The following CYP2W1 variants were observed in gnomAD, a reference collection of about 807,000 sequenced individuals.
CYP2W1 encodes the protein cytochrome P450 2W1.
CYP2W1 carries 51 observed loss-of-function variants against 44.9 expected under a neutral mutation model. The observed-to-expected ratio is 1.14, with a 90% CI of 0.91 to 1.43. The LOEUF (loss-of-function observed/expected upper bound fraction) is 1.43, where lower values mean the gene tolerates loss of function less well. Among genes scored for constraint, CYP2W1 ranks in the 40% most tolerant of loss-of-function variants. The pLI is 0.00. For missense variants in CYP2W1, 746 were observed against 700.0 expected (o/e 1.07, Z -0.74); for synonymous variants, 383 against 338.3 (o/e 1.13, Z -1.45).
chr7:987,414 G>A lies in CYP2W1; in HGVS notation c.1026G>A (p.Gln342=). The A allele has an allele frequency of 6.3e-7, 1 of 1,594,616 alleles. No homozygotes were observed. Among genetic ancestry groups the A allele is most frequent in the Non-Finnish European group, 8.5e-7 (1 of 1,177,840 alleles). ...GGACTCCCCGGCTGGAGGACCAGCA[G>A]GCTCTGCCCTACACAAGCGCCGTGC... The part of the protein sequence containing the change: ...PGRTPRLEDQ[Q]ALPYTSAVLH... The change falls in exon 7 of 9, where the codon CAG becomes CAA. Residue 342 remains glutamine (Q), a synonymous_variant. Transcript: ENST00000308919.
At position 986,450 on chromosome 7, in the gene CYP2W1, G is replaced by A. The variant is rs1848351496; in HGVS notation, c.646-174G>A. Reference sequence around the variant, plus strand: ...CCGGGACACGGACAGGGGGTTTCCTGGCAGTTCCTGGTCCTCCCTTGAGGG... The same window carrying A: ...CCGGGACACGGACAGGGGGTTTCCTAGCAGTTCCTGGTCCTCCCTTGAGGG... On this transcript the variant is annotated intron_variant, in intron 4 of 8. Transcript: ENST00000308919. The A allele has an allele frequency of 7.1e-6, 5 of 700,724 alleles. No individual in the cohort carries two copies. The Admixed American group carries it at 1.5e-4, about 21-fold the overall frequency. The allele number at this position is 700,724 out of a possible 1,614,324, so 43.4% of individuals were successfully genotyped here.
chr7:986,560 C>T (rs1047465442), intron 4 of CYP2W1, 64 bp from the exon 5 acceptor site: 85 of 1,574,934 alleles, frequency 5.4e-5, no homozygotes, highest in Non-Finnish European at 4.1e-5. Context: ...GGACGATCAC[C>T]GCCTGCCCAG....
At chr7:988,209 C>A in intron 7 of CYP2W1, 68 bp from the exon 8 acceptor site, 1 of 1,495,220 alleles carries the variant, frequency 6.7e-7, no homozygotes, top group African/African-American at 1.4e-5. Context: ...TGGAATGAAA[C>A]TTCCCAACCC....
intron 4 of CYP2W1, among the ~76,000 whole-genome samples, chr7:986,087 G>A (rs952389406): frequency 6.6e-6 from 1 of 152,188 alleles, no homozygotes; most frequent in Non-Finnish European, 1.5e-5. Context: ...AGCATTCCCT[G>A]GCCTTCCCTG....
intron 7 of CYP2W1, among the ~76,000 whole-genome samples, chr7:988,071 G>A (rs936027650): frequency 4.0e-5 from 6 of 151,798 alleles, no homozygotes; most frequent in Non-Finnish European, 2.9e-5. Context: ...CATGCATCCT[G>A]GGTGTCCTCT....
At position 988,763 on chromosome 7, in the gene CYP2W1, G is replaced by T; in HGVS notation, c.1414G>T (p.Ala472Ser). ...VSPASLDTTP[A>S]RAFTMRPRAQ... The stretch of plus-strand genomic sequence containing the variant: ...TCCGGCCTCCCTGGACACCACGCCC[G>T]CCCGGGCTTTTACCATGAGGCCGAG... The change falls in exon 9 of 9, where the codon GCC (alanine) becomes TCC (serine). Residue 472 changes from alanine to serine, a missense_variant. Ala to Ser is a moderately conservative substitution (Grantham distance 99). Transcript: ENST00000308919. 1 of 1,598,460 alleles carries T rather than the reference G, an allele frequency of 6.3e-7. No homozygotes were observed. The highest frequency in any genetic ancestry group is 8.5e-7 in the Non-Finnish European group (1 of 1,179,084).
chr7:986,515 C>T, intron 4 of CYP2W1, 109 bp from the exon 5 acceptor site: 1 of 1,313,406 alleles, frequency 7.6e-7, no homozygotes, highest in South Asian at 1.3e-5. Context: ...CCAGCACATC[C>T]ACCCAGAGTC....
In CYP2W1 at chr7:986,955, G is replaced by A. The variant is rs999211491; in HGVS notation, c.820-152G>A. The stretch of plus-strand genomic sequence containing the variant: ...GCCTCAGTCTCCTTGTCTGTGAAAC[G>A]GGGCATCCATAGTGCCTGCCTCGGG... On this transcript the variant is annotated intron_variant, in intron 5 of 8. Coordinates refer to ENST00000308919, the MANE Select transcript of CYP2W1 (RefSeq NM_017781.3). 5.4e-4 allele frequency: 703 copies of A among 1,311,426 alleles called. 1 individual carries two copies. The highest frequency in any genetic ancestry group is 6.1e-4 in the Non-Finnish European group (602 of 989,864). 81.2% of individuals were successfully genotyped at this position (1,311,426 alleles called of 1,614,324 possible). A position where few individuals can be genotyped will look rare whatever the true frequency, so the allele number is the denominator to read the frequency against.
chr7:984,435 G>A lies in CYP2W1; in HGVS notation c.198G>A (p.Val66=), dbSNP rs1848166883. Residue 66 remains valine, a synonymous_variant, in exon 2 of 9, where the codon GTG becomes GTA. Coordinates refer to ENST00000308919, the MANE Select transcript of CYP2W1 (RefSeq NM_017781.3). ...AGCTCTCAGAACGCTACGGGCCGGT[G>A]TTCACCGTGCACCTGGGGCGCCAGA... ...LMELSERYGP[V]FTVHLGRQKT... 1.9e-6 allele frequency: 3 copies of A among 1,548,862 alleles called. No individual in the cohort carries two copies.
chr7:984,897 G>T, intron 2 of CYP2W1, 53 bp from the exon 3 acceptor site: 1 of 1,529,884 alleles, frequency 6.5e-7, no homozygotes. Flanking sequence ...CTTGCCTGGC[G>T]GGGCTGGCTG....
intron 7 of CYP2W1, 104 bp from the exon 8 acceptor site, chr7:988,173 T>C: frequency 7.6e-7 from 1 of 1,324,398 alleles, no homozygotes; most frequent in Non-Finnish European, 1.0e-6. Flanking sequence ...ACACCAGGTG[T>C]GGTGGGTGTG....
At chr7:986,089 C>A (rs964535670) in intron 4 of CYP2W1, among the ~76,000 whole-genome samples, 5 of 152,192 alleles carry the variant, frequency 3.3e-5, no homozygotes, top group Non-Finnish European at 7.4e-5. Flanking sequence ...CATTCCCTGG[C>A]CTTCCCTGCT....
intron 1 of CYP2W1, among the ~76,000 whole-genome samples, chr7:983,814 A>G (rs1423177221): frequency 2.6e-5 from 4 of 152,128 alleles, no homozygotes; most frequent in African/African-American, 7.2e-5. Context: ...TCATCTGTGA[A>G]ATGGGAAGAG....
In CYP2W1 at chr7:986,783, A is replaced by T. The variant is rs371709562; in HGVS notation, c.805A>T (p.Ile269Phe). 65 of 1,577,694 alleles carry T rather than the reference A, an allele frequency of 4.1e-5. No individual in the cohort carries two copies. Among genetic ancestry groups the T allele is most frequent in the Non-Finnish European group, 5.2e-5 (60 of 1,161,256 alleles). Residue 269 changes from isoleucine (I) to phenylalanine (F), a missense_variant, in exon 5 of 9, where the codon ATC (isoleucine) becomes TTC (phenylalanine). Transcript: ENST00000308919. ...DPVCSYVDAL[I>F]QQGQGDDPEG... ...CGTGTGCAGCTATGTGGACGCCCTG[A>T]TCCAGCAGGGACAGGTGTGTCGGGA...
intron 4 of CYP2W1, 30 bp downstream of exon 4, chr7:985,353 G>A (rs1344545392): frequency 6.5e-7 from 1 of 1,545,198 alleles, no homozygotes; most frequent in Admixed American, 2.0e-5. Flanking sequence ...CCTTGGGGTG[G>A]GGTGGAGCCT....
In CYP2W1 at chr7:986,670, G is replaced by T; in HGVS notation, c.692G>T (p.Arg231Leu). ...CTCGGGGCCCTGCTCCAGCTGCACC[G>T]GCCCGTCCTGCGCAAGATCGAGGAG... is the stretch of plus-strand genomic sequence containing the variant. ...PWLGALLQLH[R>L]PVLRKIEEVR... is the part of the protein sequence containing the mutation. The change falls in exon 5 of 9, where the codon CGG becomes CTG. Residue 231 changes from arginine (R) to leucine (L), a missense_variant. Coordinates refer to ENST00000308919, the MANE Select transcript of CYP2W1 (RefSeq NM_017781.3). The T allele has an allele frequency of 6.2e-7, 1 of 1,612,632 alleles. No homozygotes were observed. Among genetic ancestry groups the T allele is most frequent in the South Asian group, 1.1e-5 (1 of 91,076 alleles).
intron 1 of CYP2W1, among the ~76,000 whole-genome samples, chr7:983,831 T>C (rs1265584065): frequency 1.3e-5 from 2 of 152,156 alleles, no homozygotes; most frequent in Non-Finnish European, 2.9e-5. Context: ...AGAGGACCTG[T>C]GCCTCCTGGG....
chr7:983,312 G>A lies in CYP2W1; in HGVS notation c.101G>A (p.Gly34Glu). Residue 34 changes from glycine to glutamate, a missense_variant, in exon 1 of 9, where the codon GGG becomes GAG. Gly to Glu is a moderately conservative substitution (Grantham distance 98). Coordinates refer to ENST00000308919, the MANE Select transcript of CYP2W1 (RefSeq NM_017781.3). The stretch of plus-strand genomic sequence containing the variant: ...TCCCCAGCTGCCCGGTGGCCCCCGG[G>A]GCCTCGCCCGCTGCCGCTCGTCGGG... ...DPSPAARWPP[G>E]PRPLPLVGNL... 6.5e-7 allele frequency: 1 copy of A among 1,540,702 alleles called. No homozygotes were observed. The highest frequency in any genetic ancestry group is 8.7e-7 in the Non-Finnish European group (1 of 1,144,730).
Position 984,950 on chromosome 7 carries a change from G to T in CYP2W1, c.338G>T (p.Gly113Val), listed in dbSNP as rs1204733049. Residue 113 changes from glycine to valine, a missense_variant and splice_region_variant, in exon 3 of 9, where the codon GGC (glycine) becomes GTC (valine). Gly to Val is a moderately radical substitution (Grantham distance 109, BLOSUM62 -3). Coordinates refer to ENST00000308919, the MANE Select transcript of CYP2W1 (RefSeq NM_017781.3). ...CACCACGCACTGTATCTGCCTACAG[G>T]CATCTTCTTCTCATCTGGGGCGCGC... ...AIFQLIQRGG[G>V]IFFSSGARWR... The T allele has an allele frequency of 1.9e-6, 3 of 1,597,556 alleles. No homozygotes were observed. Among genetic ancestry groups the T allele is most frequent in the Admixed American group, 1.7e-5 (1 of 59,352 alleles).
Sources: gnomAD v4.1 joint callset for allele counts (sites outside exome capture counted in the v4.1 genomes callset) on GRCh38, gnomAD v4.1.1 for gene constraint, MANE v1.5 for transcripts, NCBI Gene and HGNC (gene_info 2026-07-23, HGNC 2026-07-21) for gene names.